TTC7B: variants seen among roughly 807,000 people sequenced by gnomAD.
TTC7B encodes the protein tetratricopeptide repeat protein 7B.
Under a neutral mutation model 106.8 loss-of-function variants are expected in TTC7B, and 28 were observed. That is an observed-to-expected ratio of 0.26 (90% CI 0.19 to 0.36). TTC7B has a LOEUF of 0.36. TTC7B is among the 10% of genes least tolerant of loss of function. TTC7B has a pLI of 1.00. For synonymous variants in TTC7B, 405 were observed against 430.6 expected (o/e 0.94, Z 0.74); for missense variants, 862 against 1,076.4 (o/e 0.80, Z 2.79).
chr14:90,584,131 G>A (rs563145976), intron 18 of TTC7B, among the ~76,000 whole-genome samples: 8 of 152,246 alleles, frequency 5.3e-5, no homozygotes, highest in Admixed American at 3.3e-4. Context: ...TTCCTTCCTC[G>A]CACCCTAACT....
chr14:90,720,885 G>A (rs142925114), intron 5 of TTC7B, among the ~76,000 whole-genome samples: 16 of 152,132 alleles, frequency 1.1e-4, no homozygotes, highest in East Asian at 9.6e-4. Flanking sequence ...TTGCTGTCTC[G>A]ACCCTAGTTC....
chr14:90,753,431 T>C (rs1429882485), intron 3 of TTC7B, among the ~76,000 whole-genome samples: 1 of 152,228 alleles, frequency 6.6e-6, no homozygotes, highest in African/African-American at 2.4e-5. Context: ...AGAAAAGAGA[T>C]TCAAGAGACA....
At chr14:90,651,846 T>C (rs772917680) in intron 13 of TTC7B, among the ~76,000 whole-genome samples, 1 of 152,160 alleles carries the variant, frequency 6.6e-6, no homozygotes, top group Non-Finnish European at 1.5e-5. Context: ...ACGGACACCA[T>C]GATAAATCAG....
At chr14:90,762,943 T>C (rs886660813) in intron 3 of TTC7B, among the ~76,000 whole-genome samples, 1 of 152,228 alleles carries the variant, frequency 6.6e-6, no homozygotes, top group East Asian at 1.9e-4. Flanking sequence ...CAGGGTCAGA[T>C]GGCTTCCTTG....
At chr14:90,631,091 C>T (rs977525898) in intron 15 of TTC7B, among the ~76,000 whole-genome samples, 20 of 152,204 alleles carry the variant, frequency 1.3e-4, no homozygotes, top group African/African-American at 4.1e-4. Context: ...GCCTTGGCCT[C>T]CCAAAGTGTT....
At chr14:90,545,534 C>G (rs1179551654) in intron 19 of TTC7B, among the ~76,000 whole-genome samples, 1 of 152,220 alleles carries the variant, frequency 6.6e-6, no homozygotes, top group African/African-American at 2.4e-5. Context: ...AAGGCTGCCA[C>G]AGCCAACCGA....
At chr14:90,623,661 G>A (rs1406701135) in intron 15 of TTC7B, among the ~76,000 whole-genome samples, 1 of 152,234 alleles carries the variant, frequency 6.6e-6, no homozygotes, top group African/African-American at 2.4e-5. Context: ...TAGGGCTGCA[G>A]GTGAGCAGGC....
intron 18 of TTC7B, among the ~76,000 whole-genome samples, chr14:90,585,971 C>T (rs902259246): frequency 1.2e-4 from 19 of 152,230 alleles, no homozygotes; most frequent in African/African-American, 4.6e-4. Context: ...CCGGCCACAT[C>T]CTCCTTAAAA....
At chr14:90,610,522 T>G (rs1892827042) in intron 17 of TTC7B, among the ~76,000 whole-genome samples, 1 of 152,174 alleles carries the variant, frequency 6.6e-6, no homozygotes, top group Admixed American at 6.5e-5. Flanking sequence ...GAAATAGATT[T>G]CAAAGAAAGC....
intron 17 of TTC7B, among the ~76,000 whole-genome samples, chr14:90,610,488 T>G (rs530349781): frequency 2.2e-4 from 33 of 152,286 alleles, no homozygotes; most frequent in African/African-American, 6.3e-4. Flanking sequence ...TAGTTTCAAA[T>G]TTTAAGTTCC....
chr14:90,636,120 CA>C (rs779277935), intron 15 of TTC7B, among the ~76,000 whole-genome samples: 1,059 of 98,458 alleles, frequency 0.011, 12 homozygotes, highest in East Asian at 0.051. Flanking sequence ...GACTCCATCT[CA>C]AAAAAAAAAA....
rs1043649199 is a variant in TTC7B at position 90,577,605 on chromosome 14, G to A, written c.2310+501C>T. Among the ~76,000 whole-genome samples the A allele has an allele frequency of 1.3e-5, 2 of 152,162 alleles. No individual in the cohort carries two copies. Among genetic ancestry groups the A allele is most frequent in the Non-Finnish European group, 2.9e-5 (2 of 68,014 alleles). ...CAGGGCAACATGGCCAGACACCCCCGCTGGTAGGATGCTCCCTCCCAGCCA... is the reference window on the plus strand; with the variant it reads ...CAGGGCAACATGGCCAGACACCCCCACTGGTAGGATGCTCCCTCCCAGCCA... On this transcript the variant is annotated intron_variant, in intron 19 of 19. Coordinates refer to ENST00000328459, the MANE Select transcript of TTC7B (RefSeq NM_001010854.2). The surrounding 1 kb of genome is among the most constrained non-coding windows in gnomAD (Gnocchi z 5.0).
rs531150997 is a variant in TTC7B, at chr14:90,726,529, T to C, written c.698+3546A>G. Among the ~76,000 whole-genome samples the C allele has an allele frequency of 1.4e-3, 214 of 152,276 alleles. 1 individual carries two copies. Among genetic ancestry groups the C allele is most frequent in the South Asian group, 0.011 (51 of 4,822 alleles). On this transcript the variant is annotated intron_variant, in intron 5 of 19. Transcript: ENST00000328459. Reference sequence around the variant, plus strand: ...GTAAGTCAGCCAGGCGTCGTCACCATTGGAAGTCACAATTTACCTCCTGCT... The same window carrying C: ...GTAAGTCAGCCAGGCGTCGTCACCACTGGAAGTCACAATTTACCTCCTGCT...
At chr14:90,630,415 G>A (rs1020787207) in intron 15 of TTC7B, among the ~76,000 whole-genome samples, 1 of 152,146 alleles carries the variant, frequency 6.6e-6, no homozygotes, top group African/African-American at 2.4e-5. Flanking sequence ...TACGAATGCT[G>A]GAAACCCTCC....
At chr14:90,795,353 G>C (rs1891739785) in intron 1 of TTC7B, among the ~76,000 whole-genome samples, 1 of 152,228 alleles carries the variant, frequency 6.6e-6, no homozygotes, top group Non-Finnish European at 1.5e-5. Flanking sequence ...CACAGAAGCG[G>C]GGACCTTACA....
chr14:90,615,187 C>T (rs1207351795), intron 16 of TTC7B, among the ~76,000 whole-genome samples: 1 of 152,110 alleles, frequency 6.6e-6, no homozygotes, highest in African/African-American at 2.4e-5. Flanking sequence ...AATTTTTTTC[C>T]CCCTTTAAGC....
chr14:90,554,422 C>T (rs1032179738), intron 19 of TTC7B, among the ~76,000 whole-genome samples: 5 of 152,176 alleles, frequency 3.3e-5, no homozygotes, highest in Non-Finnish European at 5.9e-5. Context: ...TCCGGGTGTT[C>T]GGGTTCCGGG....
At chr14:90,552,164 C>T (rs1451723506) in intron 19 of TTC7B, among the ~76,000 whole-genome samples, 2 of 152,212 alleles carry the variant, frequency 1.3e-5, no homozygotes, top group East Asian at 1.9e-4. Flanking sequence ...AGCCCCACAG[C>T]CCCACACCTC....
In TTC7B at chr14:90,651,094, G is replaced by A. The variant is rs1447196805; in HGVS notation, c.1517+1747C>T. On this transcript the variant is annotated intron_variant, in intron 13 of 19. Coordinates refer to ENST00000328459, the MANE Select transcript of TTC7B (RefSeq NM_001010854.2). The stretch of plus-strand genomic sequence containing the variant: ...GGGAGAATATTTAAAACAAATAGTA[G>A]AGAAAGTACTTCTCATCAAAGTAGT... Among the ~76,000 whole-genome samples, 10 of 152,174 alleles carry A rather than the reference G, an allele frequency of 6.6e-5. No individual in the cohort carries two copies. The East Asian group carries it at 1.2e-3, about 18-fold the overall frequency.
Sources: gnomAD v4.1 joint callset for allele counts (sites outside exome capture counted in the v4.1 genomes callset) on GRCh38, gnomAD v4.1.1 for gene constraint, Gnocchi (gnomAD v3.1) non-coding constraint, MANE v1.5 for transcripts, NCBI Gene and HGNC (gene_info 2026-07-23, HGNC 2026-07-21) for gene names.